NINJ2: variants seen among roughly 807,000 people sequenced by gnomAD.
NINJ2 encodes the protein ninjurin-2.
NINJ2 carries 12 observed loss-of-function variants against 11.7 expected under a neutral mutation model. The ratio of observed to expected loss-of-function variants is 1.02; its 90% CI spans 0.66 to 1.66. The LOEUF is 1.66. Among genes scored for constraint, NINJ2 ranks in the 40% most tolerant of loss-of-function variants. The pLI is 0.00. For synonymous variants in NINJ2, 93 were observed against 76.8 expected (o/e 1.21, Z -1.10); for missense variants, 187 against 181.8 (o/e 1.03, Z -0.16).
intron 1 of NINJ2, among the ~76,000 whole-genome samples, chr12:623,735 A>G (rs1200429722): frequency 1.3e-5 from 2 of 152,214 alleles, no homozygotes; most frequent in African/African-American, 4.8e-5. Context: ...GATGTTGGGC[A>G]ATATTTCAAA....
chr12:624,347 C>T (rs1434415419), intron 1 of NINJ2, among the ~76,000 whole-genome samples: 2 of 152,134 alleles, frequency 1.3e-5, no homozygotes, highest in Non-Finnish European at 2.9e-5. Context: ...TTATGGAGCT[C>T]TAACTGGGTT....
At chr12:565,113 C>G in intron 3 of NINJ2, 104 bp downstream of exon 3, 3 of 925,888 alleles carry the variant, frequency 3.2e-6, no homozygotes, top group Non-Finnish European at 4.7e-6. Flanking sequence ...CAGGCCTTCC[C>G]CCTTTGTTTG....
rs184830617 is a variant in NINJ2, at chr12:606,462, T to G, written c.34-40284A>C. Among the ~76,000 whole-genome samples the G allele has an allele frequency of 5.1e-3, 784 of 152,238 alleles. 8 individuals are homozygous for G. The highest frequency in any genetic ancestry group is 0.016 in the African/African-American group (678 of 41,538). On this transcript the variant is annotated intron_variant, in intron 1 of 3. Coordinates refer to ENST00000305108, the MANE Select transcript of NINJ2 (RefSeq NM_016533.6). ...ATTATTAAATAAACAATTCAGATGT[T>G]TTTTCTAGAGCAGAAAACATCAATT...
At chr12:593,093 T>C (rs1947737099) in intron 1 of NINJ2, among the ~76,000 whole-genome samples, 1 of 151,936 alleles carries the variant, frequency 6.6e-6, no homozygotes, top group Non-Finnish European at 1.5e-5. Context: ...ATAAATATAG[T>C]AGGAAAGAAG....
intron 1 of NINJ2, among the ~76,000 whole-genome samples, chr12:574,089 T>C (rs1008277049): frequency 1.3e-5 from 2 of 151,982 alleles, no homozygotes; most frequent in South Asian, 2.1e-4. Flanking sequence ...GGTGTGGTGG[T>C]GCATGCTTAT....
At chr12:611,283 T>TTCTCTCTC (rs1565635047) in intron 1 of NINJ2, among the ~76,000 whole-genome samples, 3 of 150,198 alleles carry the variant, frequency 2.0e-5, no homozygotes, top group African/African-American at 7.4e-5. Flanking sequence ...CTCTCTCTCT[T>TTCTCTCTC]TCTTTCTCTT....
chr12:569,555 C>G (rs544491525), intron 1 of NINJ2, among the ~76,000 whole-genome samples: 33 of 152,282 alleles, frequency 2.2e-4, no homozygotes, highest in African/African-American at 7.7e-4. Flanking sequence ...AGACAGACCC[C>G]CTTCCCCCCA....
chr12:647,000 G>A (rs1233864723), intron 1 of NINJ2, among the ~76,000 whole-genome samples: 1 of 152,158 alleles, frequency 6.6e-6, no homozygotes, highest in Non-Finnish European at 1.5e-5. Flanking sequence ...AAGCTTGGAG[G>A]TGATGCTGCA....
chr12:575,992 T>G (rs777412589), intron 1 of NINJ2, among the ~76,000 whole-genome samples: 90 of 152,288 alleles, frequency 5.9e-4, no homozygotes, highest in Non-Finnish European at 9.0e-4. Flanking sequence ...CCTGAGGCCT[T>G]CTGTCTGGGG....
At chr12:584,541 C>T (rs1282778052) in intron 1 of NINJ2, among the ~76,000 whole-genome samples, 2 of 152,110 alleles carry the variant, frequency 1.3e-5, no homozygotes, top group African/African-American at 2.4e-5. Context: ...CATGGTGGCA[C>T]CCGCCTGTAA....
chr12:648,142 C>T (rs1473876108), intron 1 of NINJ2, among the ~76,000 whole-genome samples: 2 of 152,282 alleles, frequency 1.3e-5, no homozygotes, highest in East Asian at 1.9e-4. Flanking sequence ...GTGTGATCCT[C>T]GGCTCACTGC....
intron 1 of NINJ2, chr12:643,563 T>C: frequency 1.0e-6 from 1 of 988,098 alleles, no homozygotes. Flanking sequence ...GTCGTCATTT[T>C]AGGGCTGGAG....
intron 1 of NINJ2, among the ~76,000 whole-genome samples, chr12:569,221 G>C (rs1044906524): frequency 1.3e-5 from 2 of 152,196 alleles, no homozygotes; most frequent in Non-Finnish European, 2.9e-5. Context: ...CTTGTCTAGG[G>C]CCAGCTGGCA....
At position 636,115 on chromosome 12, in the gene NINJ2, G is replaced by C. The variant is rs112801129; in HGVS notation, c.33+27213C>G. Among the ~76,000 whole-genome samples the C allele has an allele frequency of 3.6e-3, 543 of 152,064 alleles. 4 individuals carry two copies. The highest frequency in any genetic ancestry group is 0.012 in the African/African-American group (512 of 41,466). On this transcript the variant is annotated intron_variant, in intron 1 of 3. Coordinates refer to ENST00000305108, the MANE Select transcript of NINJ2 (RefSeq NM_016533.6). Reference sequence around the variant, plus strand: ...AAATAGGCCAGGCGTGGTGGCTTACGCCTGTAATCCTAGCACTTTGGGAGG... The same window carrying C: ...AAATAGGCCAGGCGTGGTGGCTTACCCCTGTAATCCTAGCACTTTGGGAGG...
intron 1 of NINJ2, among the ~76,000 whole-genome samples, chr12:574,341 TAAC>T (rs1947422569): frequency 6.6e-6 from 1 of 152,086 alleles, no homozygotes; most frequent in Admixed American, 6.6e-5. Context: ...ATAATAATAA[TAAC>T]AATAATAAAT....
At chr12:577,436 T>TGTATATATACAAAATATGTATACAAA (rs1947480823) in intron 1 of NINJ2, among the ~76,000 whole-genome samples, 1 of 141,112 alleles carries the variant, frequency 7.1e-6, no homozygotes, top group Admixed American at 7.3e-5. Flanking sequence ...TATACATATA[T>TGTATATATACAAAATATGTATACAAA]ATATATAAAT....
At chr12:573,489 G>C (rs961621322) in intron 1 of NINJ2, among the ~76,000 whole-genome samples, 3 of 152,132 alleles carry the variant, frequency 2.0e-5, no homozygotes, top group African/African-American at 2.4e-5. Context: ...TGAGACAGGA[G>C]AATTGCTTGA....
chr12:565,719 AG>A, intron 2 of NINJ2: 1 of 626,532 alleles, frequency 1.6e-6, no homozygotes, highest in Admixed American at 2.5e-5. Flanking sequence ...GTCATTCAGC[AG>A]GTACTGCGGA....
At chr12:609,944 TAAAA>T (rs60084425) in intron 1 of NINJ2, among the ~76,000 whole-genome samples, 83 of 126,862 alleles carry the variant, frequency 6.5e-4, no homozygotes, top group Admixed American at 1.2e-3. Flanking sequence ...GACCCTGTCT[TAAAA>T]AAAAAAAAAA....
Sources: gnomAD v4.1 joint callset for allele counts (sites outside exome capture counted in the v4.1 genomes callset) on GRCh38, gnomAD v4.1.1 for gene constraint, MANE v1.5 for transcripts, NCBI Gene and HGNC (gene_info 2026-07-23, HGNC 2026-07-21) for gene names.